The following RPS6KC1 variants were observed in gnomAD, a reference collection of about 807,000 sequenced individuals.
The protein encoded by RPS6KC1 is inactive ribosomal protein S6 kinase delta-1.
Under a neutral mutation model 103.8 loss-of-function variants are expected in RPS6KC1, and 54 were observed. The observed-to-expected ratio is 0.52, with a 90% CI of 0.42 to 0.65. RPS6KC1 has a LOEUF of 0.65. Among genes scored for constraint, RPS6KC1 ranks in the 30% least tolerant of loss-of-function variants. RPS6KC1 has a pLI of 0.00. For missense variants in RPS6KC1, 1,151 were observed against 1,253.8 expected (o/e 0.92, Z 1.24); for synonymous variants, 439 against 438.7 (o/e 1.00, Z -0.01).
At chr1:213,645,194 C>T in the RPS6KC1 span, among the ~76,000 whole-genome samples, 85 of 152,110 alleles carry the variant, frequency 5.6e-4, no homozygotes, top group African/African-American at 1.9e-3. Flanking sequence ...CTGAAGATGA[C>T]GGAGCAGAAA....
At chr1:213,090,944 G>A (rs1393588593) in intron 3 of RPS6KC1, among the ~76,000 whole-genome samples, 1 of 152,238 alleles carries the variant, frequency 6.6e-6, no homozygotes, top group Non-Finnish European at 1.5e-5. Flanking sequence ...GGCTTAAGAG[G>A]AGATAGCTGG....
chr1:213,383,937 T>A, the RPS6KC1 span, among the ~76,000 whole-genome samples: 1 of 152,136 alleles, frequency 6.6e-6, no homozygotes, highest in Non-Finnish European at 1.5e-5. Flanking sequence ...TCTATGGTAT[T>A]TTGTTATGAA....
chr1:213,608,781 A>G, the RPS6KC1 span, among the ~76,000 whole-genome samples: 10 of 152,304 alleles, frequency 6.6e-5, no homozygotes, highest in South Asian at 2.1e-4. Context: ...TTATTTTGTA[A>G]CTTGCTGTCT....
chr1:213,426,238 C>T, the RPS6KC1 span, among the ~76,000 whole-genome samples: 1 of 152,120 alleles, frequency 6.6e-6, no homozygotes, highest in African/African-American at 2.4e-5. Context: ...GTGTTCTAAA[C>T]ACCCTTTGGT....
chr1:213,639,814 G>A, the RPS6KC1 span, among the ~76,000 whole-genome samples: 4 of 149,620 alleles, frequency 2.7e-5, no homozygotes, highest in African/African-American at 7.4e-5. Context: ...ATTTTGTTGA[G>A]TGTTTTTTCA....
chr1:213,086,548 A>G (rs1225779163), intron 3 of RPS6KC1, among the ~76,000 whole-genome samples: 1 of 152,190 alleles, frequency 6.6e-6, no homozygotes, highest in Non-Finnish European at 1.5e-5. Flanking sequence ...GGCATTCCTA[A>G]GAGTTGTCTT....
At chr1:213,757,366 A>G in the RPS6KC1 span, among the ~76,000 whole-genome samples, 2 of 152,222 alleles carry the variant, frequency 1.3e-5, no homozygotes, top group East Asian at 3.8e-4. Context: ...TAAGAAAGCA[A>G]AATGGCGTGA....
chr1:213,759,818 G>A, the RPS6KC1 span, among the ~76,000 whole-genome samples: 1 of 152,196 alleles, frequency 6.6e-6, no homozygotes, highest in Admixed American at 6.5e-5. Flanking sequence ...AAATGCCAGT[G>A]ATCAAGGCTC....
chr1:213,126,924 A>G (rs894240850), intron 5 of RPS6KC1, among the ~76,000 whole-genome samples: 3 of 152,212 alleles, frequency 2.0e-5, no homozygotes, highest in South Asian at 2.1e-4. Context: ...TCCCTGATCT[A>G]GAATTGTATA....
chr1:213,600,546 C>T, the RPS6KC1 span, among the ~76,000 whole-genome samples: 2 of 152,140 alleles, frequency 1.3e-5, no homozygotes, highest in East Asian at 3.9e-4. Flanking sequence ...ACCCTCAGGC[C>T]TTCCCTTAGC....
chr1:213,415,631 T>G, the RPS6KC1 span, among the ~76,000 whole-genome samples: 12 of 152,180 alleles, frequency 7.9e-5, no homozygotes, highest in Admixed American at 7.8e-4. Flanking sequence ...GGGGTAGAGT[T>G]GACCTTGAGA....
At chr1:213,117,919 G>A (rs945370747) in intron 5 of RPS6KC1, among the ~76,000 whole-genome samples, 1 of 149,514 alleles carries the variant, frequency 6.7e-6, no homozygotes, top group African/African-American at 2.5e-5. Context: ...CTACTAGGGA[G>A]GCTGAGGCAC....
rs569654719 is a variant in RPS6KC1 at position 213,219,862 on chromosome 1, T to TG, written c.1045-10629dup. On this transcript the variant is annotated intron_variant, in intron 8 of 14. Transcript: ENST00000366960. ...TCACACACCGGGGCCTGTTGTGGGG[T>TG]GGGGGGAGGGGGGAGGTATAGCATT... Among the ~76,000 whole-genome samples the TG allele has an allele frequency of 8.7e-4, 32 of 36,826 alleles. No individual in the cohort carries two copies. The East Asian group carries it at 0.027, about 31-fold the overall frequency. The allele number at this position is 36,826 out of a possible 152,430, so 24.2% of individuals were successfully genotyped here.
intron 8 of RPS6KC1, among the ~76,000 whole-genome samples, chr1:213,192,492 C>G (rs971634406): frequency 6.6e-6 from 1 of 152,096 alleles, no homozygotes; most frequent in African/African-American, 2.4e-5. Flanking sequence ...AGCAGTGAAG[C>G]CATTGGGACC....
the RPS6KC1 span, among the ~76,000 whole-genome samples, chr1:213,347,738 G>C: frequency 6.6e-6 from 1 of 152,074 alleles, no homozygotes; most frequent in Non-Finnish European, 1.5e-5. Context: ...TGGGTAATTA[G>C]AGTAATAGTA....
At chr1:213,314,149 G>T in the RPS6KC1 span, among the ~76,000 whole-genome samples, 1 of 151,974 alleles carries the variant, frequency 6.6e-6, no homozygotes, top group South Asian at 2.1e-4. Context: ...TCCCACCTCT[G>T]CCTCTGCTGT....
chr1:213,472,756 C>A, the RPS6KC1 span, among the ~76,000 whole-genome samples: 2 of 152,072 alleles, frequency 1.3e-5, no homozygotes, highest in Admixed American at 1.3e-4. Flanking sequence ...GAATCTTTTC[C>A]CTGGGGAGTA....
chr1:213,485,282 G>A, the RPS6KC1 span, among the ~76,000 whole-genome samples: 1 of 152,180 alleles, frequency 6.6e-6, no homozygotes, highest in African/African-American at 2.4e-5. Flanking sequence ...AATGAGTGAG[G>A]AAGTTGTGGG....
At chr1:213,623,308 G>T in the RPS6KC1 span, among the ~76,000 whole-genome samples, 2 of 152,172 alleles carry the variant, frequency 1.3e-5, no homozygotes, top group Non-Finnish European at 2.9e-5. Flanking sequence ...GCACTGTGGG[G>T]AGATTTGCGG....
Sources: allele counts gnomAD v4.1 joint callset (sites outside exome capture counted in the v4.1 genomes callset), GRCh38; gene constraint gnomAD v4.1.1; transcripts MANE v1.5; gene names NCBI Gene and HGNC (gene_info 2026-07-23, HGNC 2026-07-21).